The following TAF4 variants were observed in gnomAD, a reference collection of about 807,000 sequenced individuals.
TAF4 encodes transcription initiation factor TFIID subunit 4.
A neutral mutation model predicts 90.3 loss-of-function variants in TAF4; 9 were observed. That is an observed-to-expected ratio of 0.10 (90% CI 0.06 to 0.17). TAF4 has a LOEUF of 0.17. TAF4 is among the 10% of genes least tolerant of loss of function. TAF4 has a pLI of 1.00. For missense variants in TAF4, 1,351 were observed against 1,370.7 expected, an observed-to-expected ratio of 0.99 and a Z score of 0.23; for synonymous variants, 818 against 638.9, an observed-to-expected ratio of 1.28 and a Z score of -4.23.
intron 1 of TAF4, among the ~76,000 whole-genome samples, chr20:62,047,369 TGA>T (rs949629489): frequency 1.2e-4 from 19 of 152,172 alleles, no homozygotes; most frequent in Admixed American, 1.1e-3. Context: ...TCTTTTTTTC[TGA>T]GAGAGTCACA....
chr20:61,993,317 G>A (rs930451777), intron 14 of TAF4, among the ~76,000 whole-genome samples: 20 of 152,192 alleles, frequency 1.3e-4, no homozygotes, highest in Non-Finnish European at 1.8e-4. Context: ...GAGGCAGCCA[G>A]AGTTGGAGGA....
At chr20:62,017,201 C>A (rs1419051301) in intron 1 of TAF4, among the ~76,000 whole-genome samples, 1 of 151,998 alleles carries the variant, frequency 6.6e-6, no homozygotes, top group Non-Finnish European at 1.5e-5. Context: ...TGGACGCAGA[C>A]TTAAGTGCAC....
intron 1 of TAF4, among the ~76,000 whole-genome samples, chr20:62,029,597 C>T (rs1176431533): frequency 6.6e-6 from 1 of 152,178 alleles, no homozygotes; most frequent in African/African-American, 2.4e-5. Context: ...CCTCCAGGAG[C>T]TGACAGTCTG....
chr20:62,046,725 C>T (rs1046228625), intron 1 of TAF4, among the ~76,000 whole-genome samples: 8 of 152,208 alleles, frequency 5.3e-5, no homozygotes, highest in African/African-American at 1.4e-4. Context: ...CCACACCCAC[C>T]GACACACGGG....
intron 1 of TAF4, among the ~76,000 whole-genome samples, chr20:62,027,973 G>A (rs1420394774): frequency 6.6e-6 from 1 of 152,238 alleles, no homozygotes; most frequent in Non-Finnish European, 1.5e-5. Context: ...GCCAGGCCAG[G>A]AGTTGTATCA....
intron 1 of TAF4, among the ~76,000 whole-genome samples, chr20:62,033,291 C>A (rs1227504429): frequency 6.6e-6 from 1 of 152,176 alleles, no homozygotes; most frequent in African/African-American, 2.4e-5. Flanking sequence ...GAGACCAAGG[C>A]AGAAGAGGGA....
chr20:62,027,863 C>CT (rs2055883271), intron 1 of TAF4, among the ~76,000 whole-genome samples: 1 of 152,238 alleles, frequency 6.6e-6, no homozygotes, highest in Non-Finnish European at 1.5e-5. Context: ...GAAACAGTGA[C>CT]TGAGAAACAG....
intron 1 of TAF4, among the ~76,000 whole-genome samples, chr20:62,047,544 G>C (rs151175299): frequency 6.6e-6 from 1 of 152,106 alleles, no homozygotes; most frequent in Non-Finnish European, 1.5e-5. Flanking sequence ...AGAAAGGGGC[G>C]CTGAGAAGAG....
intron 1 of TAF4, among the ~76,000 whole-genome samples, chr20:62,028,054 T>C (rs367685987): frequency 6.6e-6 from 1 of 152,328 alleles, no homozygotes; most frequent in African/African-American, 2.4e-5. Context: ...CACCTCTCCA[T>C]GGTGCAGGGT....
chr20:61,981,075 G>C (rs905727092), intron 14 of TAF4: 3 of 152,358 alleles, frequency 2.0e-5, no homozygotes, highest in Non-Finnish European at 4.4e-5. Flanking sequence ...GAAGTTCTGG[G>C]TCCTGCAGGA....
chr20:62,018,503 C>A (rs1287962268), intron 1 of TAF4, among the ~76,000 whole-genome samples: 1 of 152,266 alleles, frequency 6.6e-6, no homozygotes, highest in Non-Finnish European at 1.5e-5. Flanking sequence ...AAGGCAGCCG[C>A]CCCTCCTGCC....
At chr20:61,980,688 C>T (rs1388465925) in intron 14 of TAF4, 1 of 152,310 alleles carries the variant, frequency 6.6e-6, no homozygotes, top group East Asian at 1.9e-4. Flanking sequence ...CTCCCAGCCT[C>T]TCTTCCAAAC....
chr20:62,003,338 T>A (rs1258129585), intron 8 of TAF4, 64 bp from the exon 9 acceptor site: 13 of 1,367,666 alleles, frequency 9.5e-6, no homozygotes, highest in Non-Finnish European at 1.4e-5. Context: ...TGTGCTTTGG[T>A]GCTTTACAGG....
chr20:62,006,799 A>G lies in TAF4; in HGVS notation c.1975-41T>C. ...GACACGAGGGGTCAGGCGGCTGCTC[A>G]TGCGTCGGTTTTCCTTGCTTAAAAA... On this transcript the variant is annotated intron_variant, in intron 6 of 14. Transcript: ENST00000252996. This position sits in a 1 kb window ranked among gnomAD's most constrained non-coding sequence, Gnocchi z 7.0. 7.0e-7 allele frequency: 1 copy of G among 1,423,278 alleles called. No individual in the cohort carries two copies. The highest frequency in any genetic ancestry group is 9.3e-7 in the Non-Finnish European group (1 of 1,078,204). 88.2% of individuals were successfully genotyped at this position (1,423,278 alleles called of 1,614,324 possible).
rs561553554 is a variant in TAF4, at chr20:62,010,749, G to A, written c.1642-584C>T. On this transcript the variant is annotated intron_variant, in intron 3 of 14. Transcript: ENST00000252996. The surrounding 1 kb of genome is among the most constrained non-coding windows in gnomAD (Gnocchi z 4.5). Reference sequence around the variant, plus strand: ...AGTTTTCAGAGCAGATTCGAGCAATGGAGGATGGGTCATCAGTGTCAAACT... The same window carrying A: ...AGTTTTCAGAGCAGATTCGAGCAATAGAGGATGGGTCATCAGTGTCAAACT... Among the ~76,000 whole-genome samples the A allele has an allele frequency of 6.6e-6, 1 of 152,296 alleles. No individual in the cohort carries two copies. Among genetic ancestry groups the A allele is most frequent in the South Asian group, 2.1e-4 (1 of 4,830 alleles).
At chr20:61,984,382 C>T (rs1326553777) in intron 14 of TAF4, among the ~76,000 whole-genome samples, 1 of 152,220 alleles carries the variant, frequency 6.6e-6, no homozygotes, top group Non-Finnish European at 1.5e-5. Flanking sequence ...TTCAGCAATC[C>T]CATCTCTCGG....
intron 12 of TAF4, among the ~76,000 whole-genome samples, chr20:61,998,556 G>A (rs1419444254): frequency 6.6e-6 from 1 of 152,222 alleles, no homozygotes; most frequent in Non-Finnish European, 1.5e-5. Flanking sequence ...TGTGATCAAA[G>A]CAAGTGCTCC....
Position 61,975,273 on chromosome 20 carries a change from C to A in TAF4, c.*895G>T, listed in dbSNP as rs1293083485. ...ATAGTTTACATAGCCATTTCTATGT[C>A]ATGTGCCAAAAGTTATGTACAATTA... On this transcript the variant is annotated 3_prime_UTR_variant, in exon 15 of 15. Coordinates refer to ENST00000252996, the MANE Select transcript of TAF4 (RefSeq NM_003185.4). 6.6e-6 allele frequency: 1 copy of A among 152,372 alleles called. No homozygotes were observed. The highest frequency in any genetic ancestry group is 2.4e-5 in the African/African-American group (1 of 41,404). 9.4% of individuals were successfully genotyped at this position (152,372 alleles called of 1,614,324 possible). A position where few individuals can be genotyped will look rare whatever the true frequency, so the allele number is the denominator to read the frequency against.
intron 14 of TAF4, among the ~76,000 whole-genome samples, chr20:61,994,698 G>A (rs1028437160): frequency 6.6e-6 from 1 of 152,160 alleles, no homozygotes; most frequent in Non-Finnish European, 1.5e-5. Flanking sequence ...GGTGGGGAGG[G>A]GGAGCTCTGT....
Sources: allele counts gnomAD v4.1 joint callset (sites outside exome capture counted in the v4.1 genomes callset), GRCh38; gene constraint gnomAD v4.1.1; non-coding constraint Gnocchi (gnomAD v3.1); transcripts MANE v1.5; gene names NCBI Gene and HGNC (gene_info 2026-07-23, HGNC 2026-07-21).